AK8: variants seen among roughly 807,000 people sequenced by gnomAD.
AK8 encodes ATP-AMP transphosphorylase 8.
Under a neutral mutation model 54.6 loss-of-function variants are expected in AK8, and 44 were observed. That is an observed-to-expected ratio of 0.81 (90% CI 0.63 to 1.04). The LOEUF (loss-of-function observed/expected upper bound fraction) is 1.04, where lower values mean the gene tolerates loss of function less well. Among genes scored for constraint, AK8 ranks in the 50% least tolerant of loss-of-function variants. The pLI is 0.00. For missense variants in AK8, 555 were observed against 613.6 expected (o/e 0.90, Z 1.01); for synonymous variants, 239 against 245.6 (o/e 0.97, Z 0.25).
intron 5 of AK8, among the ~76,000 whole-genome samples, chr9:132,846,828 G>A (rs986774513): frequency 5.3e-5 from 8 of 152,352 alleles, no homozygotes; most frequent in Non-Finnish European, 8.8e-5. Flanking sequence ...CGCTTCCCCC[G>A]GTGTGGCTCT....
At position 132,767,833 on chromosome 9, in the gene AK8, G is replaced by A. The variant is rs148045173; in HGVS notation, c.1121+24801C>T. ...CACAGATGAAACCAGAGGTCATTAT[G>A]GTAAGTGAAATAAGCCAGGCACAGA... On this transcript the variant is annotated intron_variant, in intron 11 of 12. Coordinates refer to ENST00000298545, the MANE Select transcript of AK8 (RefSeq NM_152572.3). Among the ~76,000 whole-genome samples, 1,265 of 152,250 alleles carry A rather than the reference G, an allele frequency of 8.3e-3. 10 individuals carry two copies. The highest frequency in any genetic ancestry group is 0.029 in the African/African-American group (1,207 of 41,542).
chr9:132,872,376 ACAGGGCATG>A (rs1439127967), intron 2 of AK8, among the ~76,000 whole-genome samples: 1 of 152,088 alleles, frequency 6.6e-6, no homozygotes, highest in Non-Finnish European at 1.5e-5. Context: ...AGAGAAGAAC[ACAGGGCATG>A]CATGATTTTC....
intron 5 of AK8, among the ~76,000 whole-genome samples, chr9:132,845,512 G>A (rs1403569326): frequency 1.3e-5 from 2 of 152,172 alleles, no homozygotes; most frequent in Non-Finnish European, 2.9e-5. Flanking sequence ...ATTCTAGGCC[G>A]GGTGCAGTGG....
At chr9:132,747,196 A>C (rs953972254) in intron 11 of AK8, among the ~76,000 whole-genome samples, 1 of 152,228 alleles carries the variant, frequency 6.6e-6, no homozygotes, top group Non-Finnish European at 1.5e-5. Flanking sequence ...GCTGGAGTGC[A>C]GTGGTGCAAT....
rs534082573 is a variant in AK8, at chr9:132,738,655, T to C, written c.1122-11121A>G. Among the ~76,000 whole-genome samples, 5 of 152,268 alleles carry C rather than the reference T, an allele frequency of 3.3e-5. No homozygotes were observed. In the South Asian group the frequency reaches 1.0e-3, roughly 32 times the overall value. ...ATGTTTCCCTTGGGCAACATCTCGT[T>C]TGAGGCAAGGATAGTTTCCAAAGGA... On this transcript the variant is annotated intron_variant, in intron 11 of 12. Transcript: ENST00000298545.
intron 2 of AK8, among the ~76,000 whole-genome samples, chr9:132,873,688 A>C (rs1843957245): frequency 6.6e-6 from 1 of 151,962 alleles, no homozygotes. Flanking sequence ...GGAATAACAG[A>C]GTTCAGCAGC....
At chr9:132,818,182 T>C (rs1446551401) in intron 9 of AK8, among the ~76,000 whole-genome samples, 1 of 152,194 alleles carries the variant, frequency 6.6e-6, no homozygotes, top group Non-Finnish European at 1.5e-5. Context: ...AGAAAATTTG[T>C]CACCAGCACA....
At chr9:132,851,645 C>A (rs1400722687) in intron 5 of AK8, among the ~76,000 whole-genome samples, 1 of 152,192 alleles carries the variant, frequency 6.6e-6, no homozygotes, top group Non-Finnish European at 1.5e-5. Context: ...CCCAGGTGCC[C>A]CTGGGTGATG....
chr9:132,860,786 C>T lies in AK8; in HGVS notation c.333+2879G>A, dbSNP rs916823260. Among the ~76,000 whole-genome samples the T allele has an allele frequency of 1.3e-5, 2 of 152,192 alleles. No individual in the cohort carries two copies. Among genetic ancestry groups the T allele is most frequent in the Admixed American group, 1.3e-4 (2 of 15,278 alleles). On this transcript the variant is annotated intron_variant, in intron 4 of 12. Transcript: ENST00000298545. This position sits in a 1 kb window ranked among gnomAD's most constrained non-coding sequence, Gnocchi z 4.4. ...AAGCCTGGCACAGCAGGTGGCTTCCCGGGTGGGCTCTTGCAGGTCATGGGT... is the reference window on the plus strand; with the variant it reads ...AAGCCTGGCACAGCAGGTGGCTTCCTGGGTGGGCTCTTGCAGGTCATGGGT...
chr9:132,833,174 C>T (rs1462337891), intron 5 of AK8, among the ~76,000 whole-genome samples: 5 of 152,218 alleles, frequency 3.3e-5, no homozygotes, highest in Admixed American at 3.3e-4. Flanking sequence ...AAGATGAAAG[C>T]TGCAGGCTTG....
At position 132,858,960 on chromosome 9, in the gene AK8, G is replaced by A. The variant is rs1298392262; in HGVS notation, c.334-4035C>T. Among the ~76,000 whole-genome samples the A allele has an allele frequency of 2.0e-5, 3 of 152,174 alleles. No homozygotes were observed. In the East Asian group the frequency reaches 5.8e-4, roughly 29 times the overall value. On this transcript the variant is annotated intron_variant, in intron 4 of 12. Transcript: ENST00000298545. ...CGGAGCCTGGTGCTCCAGTTTCCCT[G>A]GGTAGAGCAGTCACCTCCTCTACCC...
intron 11 of AK8, among the ~76,000 whole-genome samples, chr9:132,754,882 C>T (rs1838114462): frequency 6.6e-6 from 1 of 151,814 alleles, no homozygotes; most frequent in Non-Finnish European, 1.5e-5. Context: ...TCATTGCAAC[C>T]TCCACCTCCT....
chr9:132,758,557 C>G (rs2131043040), intron 11 of AK8, among the ~76,000 whole-genome samples: 1 of 152,180 alleles, frequency 6.6e-6, no homozygotes, highest in East Asian at 1.9e-4. Flanking sequence ...TCAAATGATT[C>G]TCTTGCCTCA....
chr9:132,854,985 C>G, intron 4 of AK8, 60 bp from the exon 5 acceptor site: 1 of 1,568,156 alleles, frequency 6.4e-7, no homozygotes, highest in African/African-American at 1.4e-5. Context: ...GCTCAGGACA[C>G]AGACCAGCAC....
chr9:132,822,843 C>T (rs989216864), intron 9 of AK8, among the ~76,000 whole-genome samples: 54 of 152,188 alleles, frequency 3.5e-4, no homozygotes, highest in Middle Eastern at 3.4e-3. Context: ...ATTCCTATTA[C>T]GCAGGAGCCA....
At chr9:132,805,628 TA>T (rs56002847) in intron 10 of AK8, among the ~76,000 whole-genome samples, 42,850 of 151,650 alleles carry the variant, frequency 0.28, 6,214 homozygotes, top group East Asian at 0.49. Flanking sequence ...AAGTCTAGTG[TA>T]AAAAAAATCA....
At chr9:132,736,918 T>TA (rs1416376846) in intron 11 of AK8, among the ~76,000 whole-genome samples, 1 of 151,870 alleles carries the variant, frequency 6.6e-6, no homozygotes, top group Non-Finnish European at 1.5e-5. Flanking sequence ...TTGAGGTCCC[T>TA]AGGGTAGTCA....
chr9:132,762,031 G>A (rs1838498341), intron 11 of AK8, among the ~76,000 whole-genome samples: 1 of 151,974 alleles, frequency 6.6e-6, no homozygotes, highest in Non-Finnish European at 1.5e-5. Context: ...CACCATACCT[G>A]GCTAATTTTT....
rs1452871611 is a variant in AK8, at chr9:132,826,576, C to T, written c.757+278G>A. 1.3e-5 allele frequency among the ~76,000 whole-genome samples: 2 copies of T among 152,214 alleles called. No individual in the cohort carries two copies. The highest frequency in any genetic ancestry group is 4.8e-5 in the African/African-American group (2 of 41,446). ...CCCACCCCATCCCTTGCCTCTCCTC[C>T]TCCCGACCCCACGACCACCAAATCT... On this transcript the variant is annotated intron_variant, in intron 8 of 12. Coordinates refer to ENST00000298545, the MANE Select transcript of AK8 (RefSeq NM_152572.3). The surrounding 1 kb of genome is among the most constrained non-coding windows in gnomAD (Gnocchi z 4.5).
Sources: gnomAD v4.1 joint callset for allele counts (sites outside exome capture counted in the v4.1 genomes callset) on GRCh38, gnomAD v4.1.1 for gene constraint, Gnocchi (gnomAD v3.1) non-coding constraint, MANE v1.5 for transcripts, NCBI Gene and HGNC (gene_info 2026-07-23, HGNC 2026-07-21) for gene names.